The following PPM1H variants were observed in gnomAD, a reference collection of about 807,000 sequenced individuals.
The protein encoded by PPM1H is protein phosphatase, Mg2+/Mn2+ dependent 1H.
In PPM1H, 27 loss-of-function variants were observed where a neutral mutation model predicts 54.9. That is an observed-to-expected ratio of 0.49 (90% CI 0.36 to 0.68). The LOEUF is 0.68. Among genes scored for constraint, PPM1H ranks in the 30% least tolerant of loss-of-function variants. PPM1H has a pLI of 0.00. For synonymous variants in PPM1H, 305 were observed against 270.8 expected (o/e 1.13, Z -1.24); for missense variants, 596 against 667.8 (o/e 0.89, Z 1.19).
At chr12:62,750,251 T>C (rs1434430526) in intron 4 of PPM1H, among the ~76,000 whole-genome samples, 1 of 152,212 alleles carries the variant, frequency 6.6e-6, no homozygotes, top group Non-Finnish European at 1.5e-5. Context: ...GGACTCCCTA[T>C]ACCCTGTACT....
At chr12:62,741,053 T>A (rs1034874232) in intron 4 of PPM1H, among the ~76,000 whole-genome samples, 1 of 152,146 alleles carries the variant, frequency 6.6e-6, no homozygotes, top group African/African-American at 2.4e-5. Context: ...ATTTCATACT[T>A]AATAAGGTTC....
chr12:62,891,164 A>G (rs565844380), intron 1 of PPM1H, among the ~76,000 whole-genome samples: 78 of 152,008 alleles, frequency 5.1e-4, no homozygotes, highest in African/African-American at 1.7e-3. Flanking sequence ...TTTTTCCTTA[A>G]AAGTGATGTA....
At chr12:62,737,232 A>C (rs1032671463) in intron 5 of PPM1H, among the ~76,000 whole-genome samples, 9 of 148,548 alleles carry the variant, frequency 6.1e-5, no homozygotes, top group Non-Finnish European at 1.0e-4. Context: ...AAAAAAAAAA[A>C]CAAAAAAAAC....
At chr12:62,667,606 T>A (rs2075927198) in intron 8 of PPM1H, among the ~76,000 whole-genome samples, 1 of 152,208 alleles carries the variant, frequency 6.6e-6, no homozygotes, top group Non-Finnish European at 1.5e-5. Context: ...AAATGTAATG[T>A]CTGAGGTATA....
At chr12:62,858,461 T>TC (rs1869475654) in intron 1 of PPM1H, among the ~76,000 whole-genome samples, 1 of 78,346 alleles carries the variant, frequency 1.3e-5, no homozygotes, top group African/African-American at 7.5e-5. Context: ...TTGTTGTTGT[T>TC]GTTGTTTTTT....
chr12:62,820,860 TCTC>T (rs1480577984), intron 2 of PPM1H, among the ~76,000 whole-genome samples: 1 of 152,074 alleles, frequency 6.6e-6, no homozygotes. Flanking sequence ...GAGCACCTCT[TCTC>T]CTCCAAAGGA....
chr12:62,816,357 T>A (rs2076866621), intron 2 of PPM1H, among the ~76,000 whole-genome samples: 1 of 152,234 alleles, frequency 6.6e-6, no homozygotes, highest in Non-Finnish European at 1.5e-5. Flanking sequence ...CCAAAACTTT[T>A]GAGCACGGAC....
intron 4 of PPM1H, among the ~76,000 whole-genome samples, chr12:62,760,029 G>C (rs1304682339): frequency 6.6e-6 from 1 of 152,014 alleles, no homozygotes. Flanking sequence ...TTCTCCCTTA[G>C]CCTGTGTTCT....
intron 3 of PPM1H, among the ~76,000 whole-genome samples, chr12:62,789,207 G>A (rs574257698): frequency 6.6e-6 from 1 of 152,020 alleles, no homozygotes; most frequent in South Asian, 2.1e-4. Flanking sequence ...TGGGGACAGG[G>A]TCTCACTATG....
intron 1 of PPM1H, among the ~76,000 whole-genome samples, chr12:62,858,178 A>C (rs1409548565): frequency 6.6e-6 from 1 of 151,924 alleles, no homozygotes; most frequent in Non-Finnish European, 1.5e-5. Context: ...TGCCACAGAG[A>C]GCCTTGTATT....
chr12:62,782,089 T>C (rs1375724498), intron 4 of PPM1H, among the ~76,000 whole-genome samples: 1 of 152,218 alleles, frequency 6.6e-6, no homozygotes. Flanking sequence ...ATATAGTTAA[T>C]GGCTTAAGAT....
At chr12:62,774,328 A>G (rs2076596908) in intron 4 of PPM1H, among the ~76,000 whole-genome samples, 1 of 151,792 alleles carries the variant, frequency 6.6e-6, no homozygotes, top group Non-Finnish European at 1.5e-5. Context: ...AAGAGCAAAG[A>G]CACACACCTG....
chr12:62,715,655 C>T (rs1226969758), intron 6 of PPM1H, among the ~76,000 whole-genome samples: 1 of 152,158 alleles, frequency 6.6e-6, no homozygotes, highest in African/African-American at 2.4e-5. Context: ...AGCTGACATC[C>T]TCTCCCACAC....
intron 8 of PPM1H, among the ~76,000 whole-genome samples, chr12:62,683,425 G>T (rs1485101523): frequency 3.9e-5 from 6 of 152,122 alleles, no homozygotes; most frequent in Non-Finnish European, 7.4e-5. Context: ...GAAAAGACAG[G>T]CTGTGATTGC....
intron 1 of PPM1H, among the ~76,000 whole-genome samples, chr12:62,867,293 T>G (rs927296957): frequency 7.2e-5 from 11 of 152,154 alleles, no homozygotes; most frequent in African/African-American, 2.7e-4. Flanking sequence ...GTCATTTACT[T>G]TATCAGTCAC....
chr12:62,702,871 A>G (rs1305804190), intron 6 of PPM1H, among the ~76,000 whole-genome samples: 2 of 152,188 alleles, frequency 1.3e-5, no homozygotes, highest in Admixed American at 6.5e-5. Context: ...GTGGTATTAA[A>G]GCACACCAGG....
chr12:62,783,137 CACA>C (rs1236786523), intron 4 of PPM1H, among the ~76,000 whole-genome samples: 2 of 152,154 alleles, frequency 1.3e-5, no homozygotes, highest in Admixed American at 6.5e-5. Flanking sequence ...CGGCCAAAAA[CACA>C]ACATTTAAAA....
intron 4 of PPM1H, among the ~76,000 whole-genome samples, chr12:62,753,457 T>C (rs1203767340): frequency 6.6e-6 from 1 of 152,198 alleles, no homozygotes; most frequent in Admixed American, 6.5e-5. Flanking sequence ...TGCCCAAATC[T>C]AACTAAGGGA....
chr12:62,661,848 G>C (rs1362408762), intron 9 of PPM1H, among the ~76,000 whole-genome samples: 1 of 152,198 alleles, frequency 6.6e-6, no homozygotes, highest in African/African-American at 2.4e-5. Context: ...CACTGCACCT[G>C]TCTTTACAAC....
Sources: allele counts gnomAD v4.1 joint callset (sites outside exome capture counted in the v4.1 genomes callset), GRCh38; gene constraint gnomAD v4.1.1; transcripts MANE v1.5; gene names NCBI Gene and HGNC (gene_info 2026-07-23, HGNC 2026-07-21).